The following EIF3M variants were observed in gnomAD, a reference collection of about 807,000 sequenced individuals.
EIF3M encodes the protein B5 receptor.
In EIF3M, 25 loss-of-function variants were observed where a neutral mutation model predicts 49.7. The ratio of observed to expected loss-of-function variants is 0.50; its 90% CI spans 0.37 to 0.70. The LOEUF is 0.70. Among genes scored for constraint, EIF3M ranks in the 30% least tolerant of loss-of-function variants. EIF3M has a pLI of 0.00. For synonymous variants in EIF3M, 156 were observed against 149.8 expected (o/e 1.04, Z -0.30); for missense variants, 350 against 440.0 (o/e 0.80, Z 1.83).
intron 1 of EIF3M, chr11:32,584,385 A>C (rs542537506): frequency 7.1e-5 from 12 of 170,058 alleles, no homozygotes; most frequent in Admixed American, 4.3e-4. Flanking sequence ...AGGCGGGCAG[A>C]TCACGAGGTC....
At chr11:32,590,684 C>G (rs775849863) in intron 5 of EIF3M, among the ~76,000 whole-genome samples, 4 of 152,142 alleles carry the variant, frequency 2.6e-5, no homozygotes, top group Non-Finnish European at 5.9e-5. Context: ...TTCTGCCAAT[C>G]TAAATGTTGA....
At chr11:32,600,539 C>G (rs1441840409) in intron 8 of EIF3M, 150 bp from the exon 9 acceptor site, 5 of 928,726 alleles carry the variant, frequency 5.4e-6, no homozygotes, top group Non-Finnish European at 7.2e-6. Context: ...ATATAAGAAG[C>G]TTTGTCAAAA....
chr11:32,587,823 C>G (rs1229673413), intron 2 of EIF3M, among the ~76,000 whole-genome samples: 1 of 152,054 alleles, frequency 6.6e-6, no homozygotes, highest in Non-Finnish European at 1.5e-5. Flanking sequence ...GTTTAGAGAT[C>G]AAACTTGGAT....
At chr11:32,584,068 G>T in intron 1 of EIF3M, 139 bp downstream of exon 1, 1 of 1,169,916 alleles carries the variant, frequency 8.5e-7, no homozygotes, top group South Asian at 1.5e-5. Flanking sequence ...GAGGCCGGTG[G>T]CTGGGGCGCG....
chr11:32,586,328 A>C (rs1854997384), intron 1 of EIF3M, among the ~76,000 whole-genome samples: 1 of 152,214 alleles, frequency 6.6e-6, no homozygotes. Context: ...ATAATTCGGT[A>C]GTAGGGTAGG....
intron 5 of EIF3M, among the ~76,000 whole-genome samples, chr11:32,593,146 A>AT (rs1855128209): frequency 1.3e-5 from 2 of 152,240 alleles, no homozygotes; most frequent in Admixed American, 1.3e-4. Context: ...TTTTTAGAAA[A>AT]TGAAAAAAGG....
At chr11:32,598,075 G>C (rs1478464456) in intron 8 of EIF3M, among the ~76,000 whole-genome samples, 1 of 152,132 alleles carries the variant, frequency 6.6e-6, no homozygotes, top group Non-Finnish European at 1.5e-5. Context: ...ACCACATTCT[G>C]TCCCAGTTAA....
intron 8 of EIF3M, 29 bp downstream of exon 8, chr11:32,596,076 A>G (rs1855173197): frequency 6.7e-7 from 1 of 1,498,206 alleles, no homozygotes; most frequent in South Asian, 1.3e-5. Flanking sequence ...TCTTTGAGGC[A>G]CAGAGGTGGG....
chr11:32,584,114 G>A, intron 1 of EIF3M, 185 bp downstream of exon 1: 2 of 732,718 alleles, frequency 2.7e-6, no homozygotes, highest in South Asian at 1.9e-5. Flanking sequence ...CTCGCCGGCC[G>A]GCGGTCCCAG....
At chr11:32,590,194 A>G (rs888871710) in intron 5 of EIF3M, among the ~76,000 whole-genome samples, 2 of 152,226 alleles carry the variant, frequency 1.3e-5, no homozygotes, top group African/African-American at 4.8e-5. Context: ...AATCAAAGAA[A>G]GGGTAATATT....
At chr11:32,584,928 GTA>G (rs550534692) in intron 1 of EIF3M, among the ~76,000 whole-genome samples, 77 of 152,276 alleles carry the variant, frequency 5.1e-4, no homozygotes, top group Middle Eastern at 3.4e-3. Flanking sequence ...AGTTAATTTT[GTA>G]TTGCTGAAAA....
At position 32,589,429 on chromosome 11, in the gene EIF3M, G is replaced by T. The variant is rs558265467; in HGVS notation, c.439-118G>T. Reference sequence around the variant, plus strand: ...GACTTCAGTTGATCCTCCTGCCTTGGCCTCCCAAAGTGCTGGGGATTATAG... The same window carrying T: ...GACTTCAGTTGATCCTCCTGCCTTGTCCTCCCAAAGTGCTGGGGATTATAG... On this transcript the variant is annotated intron_variant, in intron 4 of 10. Transcript: ENST00000531120. 4.8e-5 allele frequency: 49 copies of T among 1,030,246 alleles called. No individual in the cohort carries two copies. In the East Asian group the frequency reaches 1.2e-3, roughly 25 times the overall value. 63.8% of individuals were successfully genotyped at this position (1,030,246 alleles called of 1,614,324 possible). A position where few individuals can be genotyped will look rare whatever the true frequency, so the allele number is the denominator to read the frequency against.
intron 1 of EIF3M, among the ~76,000 whole-genome samples, chr11:32,584,772 G>T (rs1401293584): frequency 1.3e-5 from 2 of 152,078 alleles, no homozygotes; most frequent in East Asian, 3.8e-4. Flanking sequence ...ATTCTGTGAG[G>T]CATACACCTG....
At chr11:32,601,858 C>A (rs377514127) in intron 10 of EIF3M, 36 bp downstream of exon 10, 3 of 1,599,872 alleles carry the variant, frequency 1.9e-6, no homozygotes, top group Non-Finnish European at 2.6e-6. Flanking sequence ...TTTTATAGAA[C>A]GATTTAGTTT....
At chr11:32,589,784 C>A in intron 5 of EIF3M, 143 bp downstream of exon 5, 2 of 598,780 alleles carry the variant, frequency 3.3e-6, no homozygotes, top group Non-Finnish European at 5.5e-6. Flanking sequence ...ATAAATTTGA[C>A]CTAAAGTTAA....
intron 3 of EIF3M, 137 bp from the exon 4 acceptor site, chr11:32,588,875 C>A: frequency 6.5e-7 from 1 of 1,532,932 alleles, no homozygotes; most frequent in East Asian, 2.3e-5. Flanking sequence ...GTGGCTTGAC[C>A]TTTCTGTGCC....
chr11:32,593,756 T>C, intron 5 of EIF3M, 110 bp from the exon 6 acceptor site: 1 of 636,450 alleles, frequency 1.6e-6, no homozygotes. Flanking sequence ...ACTTTGTCTC[T>C]CTTAGTCACC....
chr11:32,587,034 T>G lies in EIF3M; in HGVS notation c.65T>G (p.Leu22Arg), dbSNP rs1297087490. The G allele has an allele frequency of 1.2e-6, 2 of 1,611,264 alleles. No homozygotes were observed. Among genetic ancestry groups the G allele is most frequent in the South Asian group, 2.2e-5 (2 of 90,526 alleles). The change falls in exon 2 of 11, where the codon CTG (leucine) becomes CGG (arginine). Residue 22 changes from leucine to arginine, a missense_variant. Coordinates refer to ENST00000531120, the MANE Select transcript of EIF3M (RefSeq NM_006360.6). Reference sequence around the variant, plus strand: ...CAGGCTGCTGAGCTTCGTGCTTATCTGAAATCTAAAGGAGCTGAGATTTCA... The same window carrying G: ...CAGGCTGCTGAGCTTCGTGCTTATCGGAAATCTAAAGGAGCTGAGATTTCA... The part of the protein sequence containing the change: ...EDQAAELRAY[L>R]KSKGAEISEE...
intron 1 of EIF3M, among the ~76,000 whole-genome samples, chr11:32,585,869 A>G: frequency 6.6e-6 from 1 of 152,112 alleles, no homozygotes; most frequent in East Asian, 1.9e-4. Context: ...TGGTCTAGAA[A>G]ATGTAATGCC....
Sources: allele counts gnomAD v4.1 joint callset (sites outside exome capture counted in the v4.1 genomes callset), GRCh38; gene constraint gnomAD v4.1.1; transcripts MANE v1.5; gene names NCBI Gene and HGNC (gene_info 2026-07-23, HGNC 2026-07-21).